PATJ: variants seen among roughly 807,000 people sequenced by gnomAD.
The protein encoded by PATJ is inaD-like protein.
Under a neutral mutation model 224.9 loss-of-function variants are expected in PATJ, and 190 were observed. That is an observed-to-expected ratio of 0.84 (90% CI 0.75 to 0.95). PATJ has a LOEUF of 0.95. PATJ is among the 40% of genes least tolerant of loss of function. The pLI is 0.00. For synonymous variants in PATJ, 769 were observed against 820.3 expected, an observed-to-expected ratio of 0.94 and a Z score of 1.07; for missense variants, 2,121 against 2,270.3, an observed-to-expected ratio of 0.93 and a Z score of 1.34.
chr1:62,116,620 T>G lies in PATJ; in HGVS notation c.4744T>G (p.Ser1582Ala). ...ATTGATTCAGGGAGATCAGATCTTA[T>G]CTGTGAATGGGGAGGACATGAGAAA... The part of the protein sequence containing the change: ...GRLIQGDQIL[S>A]VNGEDMRNAS... The change falls in exon 36 of 44, where the codon TCT (serine) becomes GCT (alanine). Residue 1582 changes from serine (S) to alanine (A), a missense_variant. Ser to Ala is a moderately conservative substitution (Grantham distance 99). Transcript: ENST00000642238. 6.2e-7 allele frequency: 1 copy of G among 1,614,048 alleles called. No homozygotes were observed. Among genetic ancestry groups the G allele is most frequent in the Non-Finnish European group, 8.5e-7 (1 of 1,179,988 alleles).
intron 21 of PATJ, among the ~76,000 whole-genome samples, chr1:61,882,140 C>T (rs1052860094): frequency 6.6e-6 from 1 of 151,754 alleles, no homozygotes; most frequent in African/African-American, 2.4e-5. Flanking sequence ...TGGGGGCAGA[C>T]AATAACAAAT....
chr1:61,755,964 G>C lies in PATJ; in HGVS notation c.-35-6894G>C, dbSNP rs550608209. Among the ~76,000 whole-genome samples the C allele has an allele frequency of 2.0e-5, 3 of 152,140 alleles. 1 individual carries two copies. The South Asian group carries it at 6.2e-4, about 32-fold the overall frequency. ...TTACAGGCACCTGCCACCACACCAA[G>C]CTAATTTTTGTATTTTTAGTAGAGA... On this transcript the variant is annotated intron_variant, in intron 1 of 43. Transcript: ENST00000642238.
At chr1:61,932,884 G>A (rs925873513) in intron 27 of PATJ, among the ~76,000 whole-genome samples, 5 of 152,030 alleles carry the variant, frequency 3.3e-5, no homozygotes, top group African/African-American at 9.7e-5. Flanking sequence ...AGGCAACAGA[G>A]GAAGGCTCTG....
At chr1:61,942,661 C>T (rs1275715839) in intron 27 of PATJ, among the ~76,000 whole-genome samples, 1 of 151,968 alleles carries the variant, frequency 6.6e-6, no homozygotes, top group Non-Finnish European at 1.5e-5. Flanking sequence ...AGCAATTCTC[C>T]TGCCTCAGCC....
chr1:62,038,623 G>A (rs1378757322), intron 30 of PATJ: 1 of 223,270 alleles, frequency 4.5e-6, no homozygotes, highest in African/African-American at 2.3e-5. Context: ...AATAGTGCAG[G>A]GTTATTCAAA....
intron 27 of PATJ, among the ~76,000 whole-genome samples, chr1:61,948,695 C>A (rs1396686383): frequency 6.6e-6 from 1 of 152,110 alleles, no homozygotes; most frequent in Non-Finnish European, 1.5e-5. Flanking sequence ...ACCATTTGAC[C>A]CAGCCATCCC....
Position 61,953,055 on chromosome 1 carries a change from G to C in PATJ, c.3670+25226G>C, listed in dbSNP as rs115808675. Reference sequence around the variant, plus strand: ...CGTTAGGGGTGGGGGCTCAGCTCTTGGAAGTATTACCACTGACTTCCTTGT... The same window carrying C: ...CGTTAGGGGTGGGGGCTCAGCTCTTCGAAGTATTACCACTGACTTCCTTGT... On this transcript the variant is annotated intron_variant, in intron 27 of 43. Transcript: ENST00000642238. Among the ~76,000 whole-genome samples, 696 of 152,242 alleles carry C rather than the reference G, an allele frequency of 4.6e-3. 3 individuals are homozygous for C. The highest frequency in any genetic ancestry group is 0.027 in the Middle Eastern group (8 of 294).
At chr1:62,033,626 G>T (rs1649750451) in intron 29 of PATJ, among the ~76,000 whole-genome samples, 1 of 152,066 alleles carries the variant, frequency 6.6e-6, no homozygotes, top group Non-Finnish European at 1.5e-5. Context: ...AGACATTTTG[G>T]CCCATCCGAG....
At chr1:61,766,912 G>T (rs538825818) in intron 4 of PATJ, among the ~76,000 whole-genome samples, 12 of 152,198 alleles carry the variant, frequency 7.9e-5, no homozygotes, top group African/African-American at 2.4e-4. Flanking sequence ...GACCAACATG[G>T]CAAAACCCTG....
At chr1:61,871,462 T>C (rs1343699668) in intron 20 of PATJ, among the ~76,000 whole-genome samples, 1 of 102,318 alleles carries the variant, frequency 9.8e-6, no homozygotes, top group Non-Finnish European at 2.4e-5. Context: ...TATGCGTATA[T>C]ATATGTATAT....
At chr1:61,955,833 C>T (rs1680367148) in intron 27 of PATJ, among the ~76,000 whole-genome samples, 1 of 152,176 alleles carries the variant, frequency 6.6e-6, no homozygotes, top group South Asian at 2.1e-4. Flanking sequence ...CATGCATCTT[C>T]TCAAGTAATC....
intron 39 of PATJ, among the ~76,000 whole-genome samples, chr1:62,125,277 C>A (rs1405480617): frequency 4.1e-5 from 5 of 121,344 alleles, no homozygotes; most frequent in African/African-American, 1.7e-4. Flanking sequence ...AAAAAAAACG[C>A]CATTAGCTCT....
intron 29 of PATJ, among the ~76,000 whole-genome samples, chr1:62,027,336 T>C (rs1048367883): frequency 4.6e-5 from 7 of 152,258 alleles, no homozygotes; most frequent in Non-Finnish European, 7.3e-5. Context: ...ATTTTATGTA[T>C]GTGCCATGTT....
At chr1:61,793,965 C>T (rs1650469026) in intron 9 of PATJ, among the ~76,000 whole-genome samples, 1 of 146,914 alleles carries the variant, frequency 6.8e-6, no homozygotes, top group Admixed American at 6.8e-5. Context: ...TGCAATGGCA[C>T]AGTCTCGGCT....
chr1:61,950,870 G>A (rs751772462), intron 27 of PATJ, among the ~76,000 whole-genome samples: 1 of 152,108 alleles, frequency 6.6e-6, no homozygotes, highest in Non-Finnish European at 1.5e-5. Flanking sequence ...AAAATAGGCT[G>A]ACACAGTGTC....
chr1:62,028,804 A>C (rs532307029), intron 29 of PATJ, among the ~76,000 whole-genome samples: 2 of 152,056 alleles, frequency 1.3e-5, no homozygotes, highest in African/African-American at 2.4e-5. Flanking sequence ...AAAAGAAAAG[A>C]AAAGCCAGAA....
chr1:62,009,956 G>A lies in PATJ; in HGVS notation c.3868-7900G>A, dbSNP rs376275254. ...AAATTAGCCTAGTGTGGTGGTGGGC[G>A]CCTGTAATCCCAGCTACTGAGGAAG... On this transcript the variant is annotated intron_variant, in intron 28 of 43. Transcript: ENST00000642238. Among the ~76,000 whole-genome samples the A allele has an allele frequency of 1.2e-4, 18 of 151,628 alleles. No homozygotes were observed. The East Asian group carries it at 1.6e-3, about 13-fold the overall frequency.
At chr1:61,826,010 G>T (rs1028403584) in intron 15 of PATJ, among the ~76,000 whole-genome samples, 3 of 152,182 alleles carry the variant, frequency 2.0e-5, no homozygotes, top group African/African-American at 7.2e-5. Context: ...TTGACTTGCA[G>T]TTATCCCAAG....
At chr1:61,754,990 G>C (rs1557583031) in intron 1 of PATJ, among the ~76,000 whole-genome samples, 1 of 152,042 alleles carries the variant, frequency 6.6e-6, no homozygotes, top group Non-Finnish European at 1.5e-5. Flanking sequence ...AAATGTGCAA[G>C]ATGATCCATT....
Sources: allele counts gnomAD v4.1 joint callset (sites outside exome capture counted in the v4.1 genomes callset), GRCh38; gene constraint gnomAD v4.1.1; transcripts MANE v1.5; gene names NCBI Gene and HGNC (gene_info 2026-07-23, HGNC 2026-07-21).